Variants in RANBP2 observed in about 807,000 individuals in gnomAD.
RANBP2 encodes E3 SUMO-protein ligase RanBP2.
RANBP2 carries 57 observed loss-of-function variants against 303.6 expected under a neutral mutation model. The ratio of observed to expected loss-of-function variants is 0.19; its 90% confidence interval spans 0.15 to 0.23. The LOEUF (loss-of-function observed/expected upper bound fraction) is 0.23, where lower values mean the gene tolerates loss of function less well. Among genes scored for constraint, RANBP2 ranks in the 10% least tolerant of loss-of-function variants. The pLI, the probability that RANBP2 is intolerant of heterozygous loss-of-function variation, is 1.00. For missense variants in RANBP2, 3,138 were observed against 3,780.8 expected (o/e 0.83, Z 4.46); for synonymous variants, 1,167 against 1,301.5 (o/e 0.90, Z 2.23).
chr2:109,647,761 C>T, the RANBP2 span, among the ~76,000 whole-genome samples: 8 of 152,146 alleles, frequency 5.3e-5, no homozygotes, highest in African/African-American at 1.2e-4. Context: ...TGAGCCACCC[C>T]GCCCGGCTCG....
chr2:109,750,730 T>TAA, the RANBP2 span, among the ~76,000 whole-genome samples: 98 of 82,904 alleles, frequency 1.2e-3, 9 homozygotes, highest in African/African-American at 1.7e-3. Flanking sequence ...ATAATAATAA[T>TAA]TTTTTTTTTT....
At chr2:109,214,997 G>A in the RANBP2 span, among the ~76,000 whole-genome samples, 159 of 152,362 alleles carry the variant, frequency 1.0e-3, no homozygotes, top group African/African-American at 3.6e-3. Context: ...GGTGGAGGCA[G>A]AGTAAGATCT....
chr2:108,765,814 A>G lies in RANBP2; in HGVS notation c.5275A>G (p.Ile1759Val), dbSNP rs779533309. ...AAGTAAACAAAATCAAACAACTGCAATTTCAACACCTGCCTCTTCGGAGAT... is the reference window on the plus strand; with the variant it reads ...AAGTAAACAAAATCAAACAACTGCAGTTTCAACACCTGCCTCTTCGGAGAT... Reference protein sequence around the residue: ...CPSKQNQTTAISTPASSEISK... With the variant: ...CPSKQNQTTAVSTPASSEISK... The change falls in exon 20 of 29, where the codon ATT (isoleucine) becomes GTT (valine). Residue 1759 changes from isoleucine (I) to valine (V), a missense_variant. Around this residue, in one of 20 missense-constraint regions of RANBP2, gnomAD observed 348 missense variants for 360.4 expected, o/e 0.97. Transcript: ENST00000283195. 3.1e-6 allele frequency: 5 copies of G among 1,612,434 alleles called. 1 individual carries two copies. Among genetic ancestry groups the G allele is most frequent in the African/African-American group, 2.7e-5 (2 of 74,366 alleles).
chr2:108,809,796 T>TTTTGTTTG, the RANBP2 span, among the ~76,000 whole-genome samples: 328 of 150,790 alleles, frequency 2.2e-3, 1 homozygote, highest in African/African-American at 7.7e-3. Flanking sequence ...CATTTCCAAT[T>TTTTGTTTG]TTTGTTTGTT....
In RANBP2 at chr2:108,785,794, A is replaced by C. The variant is rs1328877215; in HGVS notation, c.*1893A>C. The C allele has an allele frequency of 6.6e-6, 1 of 152,268 alleles. No individual in the cohort carries two copies. Among genetic ancestry groups the C allele is most frequent in the Non-Finnish European group, 1.5e-5 (1 of 68,046 alleles). The allele number at this position is 152,268 out of a possible 1,614,324, so 9.4% of individuals were successfully genotyped here. A position where few individuals can be genotyped will look rare whatever the true frequency, so the allele number is the denominator to read the frequency against. On this transcript the variant is annotated 3_prime_UTR_variant, in exon 29 of 29. Transcript: ENST00000283195. Reference sequence around the variant, plus strand: ...TTAAAATCTGCTTAAAGATAGAATAAAATTCATTATTTGTACATCTTAAGT... The same window carrying C: ...TTAAAATCTGCTTAAAGATAGAATACAATTCATTATTTGTACATCTTAAGT...
chr2:109,523,784 C>T, the RANBP2 span, among the ~76,000 whole-genome samples: 1 of 152,196 alleles, frequency 6.6e-6, no homozygotes, highest in African/African-American at 2.4e-5. Flanking sequence ...GGGGAGCATC[C>T]CTGACACCCA....
At chr2:108,924,728 A>C in the RANBP2 span, among the ~76,000 whole-genome samples, 5 of 152,144 alleles carry the variant, frequency 3.3e-5, no homozygotes, top group African/African-American at 4.8e-5. Context: ...TGTATCTTGT[A>C]AACATTAATT....
the RANBP2 span, among the ~76,000 whole-genome samples, chr2:109,397,959 A>G: frequency 2.6e-5 from 4 of 152,226 alleles, no homozygotes; most frequent in African/African-American, 9.6e-5. Context: ...GACCTCGCCA[A>G]ATCACTCAAG....
chr2:108,903,427 C>A, the RANBP2 span, among the ~76,000 whole-genome samples: 1 of 151,684 alleles, frequency 6.6e-6, no homozygotes, highest in Admixed American at 6.6e-5. Context: ...ACTAGAATAG[C>A]TAAAAGATTT....
chr2:108,824,688 ATTATC>A, the RANBP2 span, among the ~76,000 whole-genome samples: 4 of 152,172 alleles, frequency 2.6e-5, no homozygotes, highest in East Asian at 7.7e-4. Flanking sequence ...ATAGTCATTT[ATTATC>A]TTTATCAAGT....
the RANBP2 span, among the ~76,000 whole-genome samples, chr2:109,192,256 T>C: frequency 2.0e-5 from 3 of 152,220 alleles, no homozygotes; most frequent in Admixed American, 6.5e-5. Flanking sequence ...TCCCTGGCAC[T>C]GCAGCTCATG....
At chr2:109,444,781 C>T in the RANBP2 span, among the ~76,000 whole-genome samples, 1 of 152,000 alleles carries the variant, frequency 6.6e-6, no homozygotes, top group African/African-American at 2.4e-5. Flanking sequence ...TGAGCTGGCA[C>T]ATTAAGATTT....
At chr2:108,726,602 T>C (rs1432900911) in intron 1 of RANBP2, among the ~76,000 whole-genome samples, 1 of 152,048 alleles carries the variant, frequency 6.6e-6, no homozygotes, top group Non-Finnish European at 1.5e-5. Context: ...GGGAGAGTAC[T>C]GTAGTCTCAC....
the RANBP2 span, among the ~76,000 whole-genome samples, chr2:108,817,966 G>A: frequency 6.6e-6 from 1 of 152,112 alleles, no homozygotes; most frequent in Non-Finnish European, 1.5e-5. Flanking sequence ...CTGCCAATTA[G>A]GAAGGCCTGC....
At chr2:109,545,592 T>TA in the RANBP2 span, 9 of 1,533,442 alleles carry the variant, frequency 5.9e-6, no homozygotes, top group Admixed American at 7.9e-5. Context: ...GAATTTGTTC[T>TA]AAAAAACTGA....
the RANBP2 span, among the ~76,000 whole-genome samples, chr2:108,899,805 G>T: frequency 5.9e-5 from 9 of 152,082 alleles, no homozygotes; most frequent in African/African-American, 2.2e-4. Flanking sequence ...GGCCAACATG[G>T]TGAAACCCCG....
chr2:108,742,811 C>T (rs929765791), intron 7 of RANBP2, among the ~76,000 whole-genome samples: 45 of 152,080 alleles, frequency 3.0e-4, no homozygotes, highest in Admixed American at 2.0e-3. Flanking sequence ...TTTTTTGAGA[C>T]GGAGTCTCAC....
the RANBP2 span, among the ~76,000 whole-genome samples, chr2:108,908,963 C>A: frequency 4.6e-5 from 7 of 152,070 alleles, no homozygotes; most frequent in Non-Finnish European, 1.0e-4. Context: ...TAGGACCCAT[C>A]CCTGTCCCCA....
the RANBP2 span, among the ~76,000 whole-genome samples, chr2:109,175,551 C>T: frequency 6.6e-6 from 1 of 152,154 alleles, no homozygotes; most frequent in Non-Finnish European, 1.5e-5. Flanking sequence ...TGAATGAGAC[C>T]AGCACTGTGG....
Sources: allele counts gnomAD v4.1 joint callset (sites outside exome capture counted in the v4.1 genomes callset), GRCh38; gene constraint gnomAD v4.1.1; regional missense constraint gnomAD v4.1.1; transcripts MANE v1.5; gene names NCBI Gene and HGNC (gene_info 2026-07-23, HGNC 2026-07-21).